The following MACROD2 variants were observed in gnomAD, a reference collection of about 807,000 sequenced individuals.
The protein encoded by MACROD2 is ADP-ribose glycohydrolase MACROD2.
In MACROD2, 36 loss-of-function variants were observed where a neutral mutation model predicts 70.4. The ratio of observed to expected loss-of-function variants is 0.51; its 90% confidence interval spans 0.39 to 0.68. The LOEUF (loss-of-function observed/expected upper bound fraction) is 0.68, where lower values mean the gene tolerates loss of function less well. Ranked by LOEUF, MACROD2 falls within the 30% of genes least tolerant of loss-of-function variation. The probability of loss-of-function intolerance (pLI) is 0.00; values close to 1 mark genes in which losing one functional copy is unlikely to be tolerated. For synonymous variants in MACROD2, 172 were observed against 178.8 expected (o/e 0.96, Z 0.30); for missense variants, 496 against 538.4 (o/e 0.92, Z 0.78).
rs1020369740 is a variant in MACROD2 at position 15,921,805 on chromosome 20, A to G, written c.776-11471A>G. 5.9e-5 allele frequency among the ~76,000 whole-genome samples: 9 copies of G among 152,336 alleles called. No homozygotes were observed. In the East Asian group the frequency reaches 1.7e-3, roughly 29 times the overall value. On this transcript the variant is annotated intron_variant, in intron 10 of 17. Transcript: ENST00000684519. ...TGATTCCCAGGAAGGGCCAGTAGAGAAGCGGTGAAGTGAGATAGAGAAGGG... is the reference window on the plus strand; with the variant it reads ...TGATTCCCAGGAAGGGCCAGTAGAGGAGCGGTGAAGTGAGATAGAGAAGGG...
intron 5 of MACROD2, chr20:14,933,806 G>A (rs2074317087): frequency 6.6e-6 from 1 of 152,066 alleles, no homozygotes; most frequent in Admixed American, 6.5e-5. Context: ...TAAGGCACTT[G>A]TCATTTATTG....
Position 15,937,460 on chromosome 20 carries a change from C to T in MACROD2, c.839-16C>T, listed in dbSNP as rs961279887. 6.2e-7 allele frequency: 1 copy of T among 1,612,870 alleles called. No individual in the cohort carries two copies. The highest frequency in any genetic ancestry group is 8.5e-7 in the Non-Finnish European group (1 of 1,179,206). ...AAGGATGAACTCTGAGGCAGTGTTTCTTTTCTGCTTTATAGATGGTGTCAA... is the reference window on the plus strand; with the variant it reads ...AAGGATGAACTCTGAGGCAGTGTTTTTTTTCTGCTTTATAGATGGTGTCAA... On this transcript the variant is annotated splice_polypyrimidine_tract_variant and intron_variant, in intron 11 of 17. Transcript: ENST00000684519.
chr20:14,161,697 C>T (rs1302775509), intron 3 of MACROD2, among the ~76,000 whole-genome samples: 1 of 152,062 alleles, frequency 6.6e-6, no homozygotes, highest in Non-Finnish European at 1.5e-5. Flanking sequence ...CTGCCTCAGC[C>T]TTCCATGTAG....
At chr20:14,058,756 G>T (rs1234025489) in intron 2 of MACROD2, among the ~76,000 whole-genome samples, 2 of 149,422 alleles carry the variant, frequency 1.3e-5, no homozygotes, top group Non-Finnish European at 3.0e-5. Flanking sequence ...CAATTCTTCT[G>T]CCTCAGCCTC....
At position 14,374,224 on chromosome 20, in the gene MACROD2, T is replaced by A. The variant is rs141822578; in HGVS notation, c.272-119255T>A. Among the ~76,000 whole-genome samples, 92 of 152,254 alleles carry A rather than the reference T, an allele frequency of 6.0e-4. 1 individual carries two copies. Among genetic ancestry groups the A allele is most frequent in the Middle Eastern group, 3.4e-3 (1 of 294 alleles). ...TTCTAACAAGGTATATTCTAAAAAG[T>A]TTTTACAAATCAAAAAATTTAACTA... On this transcript the variant is annotated intron_variant, in intron 3 of 17. Transcript: ENST00000684519.
intron 6 of MACROD2, among the ~76,000 whole-genome samples, chr20:15,301,545 G>T (rs538606673): frequency 6.8e-6 from 1 of 146,118 alleles, no homozygotes; most frequent in African/African-American, 2.5e-5. Context: ...AGGTATTTAA[G>T]AATCTTACTT....
At chr20:14,129,213 T>A (rs1221000034) in intron 3 of MACROD2, among the ~76,000 whole-genome samples, 1 of 152,056 alleles carries the variant, frequency 6.6e-6, no homozygotes, top group African/African-American at 2.4e-5. Context: ...TGGAAGGAGG[T>A]CACAATATTA....
At chr20:14,088,823 T>G (rs989081375) in intron 3 of MACROD2, among the ~76,000 whole-genome samples, 2 of 152,202 alleles carry the variant, frequency 1.3e-5, no homozygotes, top group East Asian at 3.8e-4. Flanking sequence ...TTAATATGTA[T>G]GATTGAATTT....
intron 8 of MACROD2, among the ~76,000 whole-genome samples, chr20:15,603,247 C>T (rs1311527459): frequency 6.6e-6 from 1 of 151,830 alleles, no homozygotes; most frequent in Non-Finnish European, 1.5e-5. Flanking sequence ...GCTTGTAATC[C>T]CAGCACTTTG....
chr20:14,419,176 T>G (rs1421797483), intron 3 of MACROD2, among the ~76,000 whole-genome samples: 1 of 152,134 alleles, frequency 6.6e-6, no homozygotes, highest in Non-Finnish European at 1.5e-5. Context: ...TGGCTTAGCC[T>G]CCTAAGTAGC....
chr20:15,161,649 G>A (rs2076349347), intron 5 of MACROD2, among the ~76,000 whole-genome samples: 1 of 151,926 alleles, frequency 6.6e-6, no homozygotes, highest in Non-Finnish European at 1.5e-5. Flanking sequence ...TCTGGATGCT[G>A]GTTCAGCTGC....
At chr20:15,284,261 A>C (rs1474867886) in intron 6 of MACROD2, among the ~76,000 whole-genome samples, 1 of 152,178 alleles carries the variant, frequency 6.6e-6, no homozygotes, top group Non-Finnish European at 1.5e-5. Context: ...TGAATAAATC[A>C]GATTGTTTTC....
chr20:15,922,516 C>T (rs1487466615), intron 10 of MACROD2, among the ~76,000 whole-genome samples: 4 of 152,200 alleles, frequency 2.6e-5, no homozygotes, highest in Admixed American at 2.0e-4. Flanking sequence ...GTGGAGTGCC[C>T]ATAGCCATGT....
At chr20:15,335,126 G>A (rs905656407) in intron 6 of MACROD2, among the ~76,000 whole-genome samples, 28 of 151,854 alleles carry the variant, frequency 1.8e-4, no homozygotes, top group African/African-American at 6.3e-4. Flanking sequence ...ACTCATGATA[G>A]CACCAGGGGA....
At chr20:14,922,642 C>T (rs997225513) in intron 5 of MACROD2, among the ~76,000 whole-genome samples, 20 of 152,074 alleles carry the variant, frequency 1.3e-4, no homozygotes, top group African/African-American at 3.6e-4. Flanking sequence ...TGACAAGGCA[C>T]TGGTATCCAC....
intron 3 of MACROD2, among the ~76,000 whole-genome samples, chr20:14,433,187 C>T (rs1466030118): frequency 6.6e-6 from 1 of 151,938 alleles, no homozygotes; most frequent in Non-Finnish European, 1.5e-5. Context: ...ATTTTATGGT[C>T]TTAAGGAAGG....
intron 8 of MACROD2, among the ~76,000 whole-genome samples, chr20:15,661,523 G>A (rs2049821727): frequency 6.6e-6 from 1 of 152,136 alleles, no homozygotes; most frequent in East Asian, 1.9e-4. Context: ...CACTACTGTA[G>A]AACACTGTCA....
intron 2 of MACROD2, among the ~76,000 whole-genome samples, chr20:14,071,363 C>T (rs1441437113): frequency 6.8e-6 from 1 of 147,028 alleles, no homozygotes; most frequent in East Asian, 2.1e-4. Context: ...CGGGTGCATG[C>T]CGTTCTCCTG....
intron 5 of MACROD2, among the ~76,000 whole-genome samples, chr20:14,828,302 G>T (rs1400767024): frequency 6.6e-6 from 1 of 152,110 alleles, no homozygotes; most frequent in Non-Finnish European, 1.5e-5. Context: ...GACCATTCCT[G>T]TATATACAAC....
Sources: allele counts gnomAD v4.1 joint callset (sites outside exome capture counted in the v4.1 genomes callset), GRCh38; gene constraint gnomAD v4.1.1; transcripts MANE v1.5; gene names NCBI Gene and HGNC (gene_info 2026-07-23, HGNC 2026-07-21).